Variants in SLC24A3 observed in about 807,000 individuals in gnomAD.
SLC24A3 encodes the protein solute carrier family 24 member 3.
A neutral mutation model predicts 75.8 loss-of-function variants in SLC24A3; 28 were observed. The observed-to-expected ratio is 0.37, with a 90% CI of 0.27 to 0.51. The LOEUF (loss-of-function observed/expected upper bound fraction) is 0.51, where lower values mean the gene tolerates loss of function less well. Among genes scored for constraint, SLC24A3 ranks in the 20% least tolerant of loss-of-function variants. The pLI is 0.94. For synonymous variants in SLC24A3, 372 were observed against 334.1 expected, an observed-to-expected ratio of 1.11 and a Z score of -1.24; for missense variants, 663 against 847.8, an observed-to-expected ratio of 0.78 and a Z score of 2.71.
chr20:19,647,533 C>T (rs1041756569), intron 6 of SLC24A3, among the ~76,000 whole-genome samples: 2 of 152,212 alleles, frequency 1.3e-5, no homozygotes, highest in African/African-American at 4.8e-5. Context: ...AGGGGCACTG[C>T]AGGGAACAGC....
At chr20:19,591,690 C>T (rs1321343033) in intron 6 of SLC24A3, among the ~76,000 whole-genome samples, 1 of 152,152 alleles carries the variant, frequency 6.6e-6, no homozygotes, top group Non-Finnish European at 1.5e-5. Context: ...ATCATTGTGG[C>T]AAAGGAACTA....
At chr20:19,213,071 G>T in intron 1 of SLC24A3, 87 bp downstream of exon 1, 1 of 1,131,154 alleles carries the variant, frequency 8.8e-7, no homozygotes, top group Non-Finnish European at 1.1e-6. Context: ...CCTTCGGGCG[G>T]CCCGGCCGGA....
At chr20:19,527,669 G>A (rs1383189723) in intron 3 of SLC24A3, among the ~76,000 whole-genome samples, 1 of 152,178 alleles carries the variant, frequency 6.6e-6, no homozygotes, top group African/African-American at 2.4e-5. Context: ...GCATTGCAAA[G>A]ATCCAGGGAC....
At chr20:19,665,442 C>G (rs1263262163) in intron 7 of SLC24A3, among the ~76,000 whole-genome samples, 1 of 152,184 alleles carries the variant, frequency 6.6e-6, no homozygotes, top group Non-Finnish European at 1.5e-5. Context: ...TGAAGATGCA[C>G]AGACATGCAG....
intron 2 of SLC24A3, among the ~76,000 whole-genome samples, chr20:19,302,339 G>A (rs1984215435): frequency 6.6e-6 from 1 of 152,152 alleles, no homozygotes; most frequent in Admixed American, 6.5e-5. Context: ...GTGAATTAAT[G>A]AACAATTGAT....
At chr20:19,491,983 C>T (rs201256467) in intron 2 of SLC24A3, among the ~76,000 whole-genome samples, 1 of 151,774 alleles carries the variant, frequency 6.6e-6, no homozygotes, top group Non-Finnish European at 1.5e-5. Context: ...AAGGGCCCCC[C>T]CTTCACCCCT....
At chr20:19,677,818 A>G (rs941148611) in intron 9 of SLC24A3, among the ~76,000 whole-genome samples, 1 of 151,716 alleles carries the variant, frequency 6.6e-6, no homozygotes, top group Non-Finnish European at 1.5e-5. Context: ...CAAGTGAACA[A>G]AGGTCTCTGG....
chr20:19,626,058 A>G (rs934029109), intron 6 of SLC24A3, among the ~76,000 whole-genome samples: 3 of 152,074 alleles, frequency 2.0e-5, no homozygotes, highest in African/African-American at 4.8e-5. Flanking sequence ...CCTGTTTGTG[A>G]ATTGGTTTTA....
At chr20:19,383,429 C>T (rs1986218799) in intron 2 of SLC24A3, among the ~76,000 whole-genome samples, 1 of 151,948 alleles carries the variant, frequency 6.6e-6, no homozygotes, top group Non-Finnish European at 1.5e-5. Flanking sequence ...GACCATTTAT[C>T]CTGTGAAATG....
At chr20:19,434,545 T>G (rs1249848206) in intron 2 of SLC24A3, among the ~76,000 whole-genome samples, 1 of 152,172 alleles carries the variant, frequency 6.6e-6, no homozygotes, top group African/African-American at 2.4e-5. Flanking sequence ...CAAATGATTT[T>G]TTTTTCTTTT....
intron 6 of SLC24A3, among the ~76,000 whole-genome samples, chr20:19,647,613 G>A (rs1260682374): frequency 6.6e-6 from 1 of 152,150 alleles, no homozygotes; most frequent in African/African-American, 2.4e-5. Flanking sequence ...TGATGTGTGG[G>A]GGAACACTCT....
At chr20:19,321,325 G>A (rs1984701645) in intron 2 of SLC24A3, among the ~76,000 whole-genome samples, 2 of 152,162 alleles carry the variant, frequency 1.3e-5, no homozygotes, top group African/African-American at 4.8e-5. Context: ...TTAAGCACTT[G>A]AGTGATGGAG....
At chr20:19,309,502 C>T (rs1984406086) in intron 2 of SLC24A3, among the ~76,000 whole-genome samples, 1 of 152,172 alleles carries the variant, frequency 6.6e-6, no homozygotes, top group African/African-American at 2.4e-5. Context: ...TCCACCCAAA[C>T]CTACCAGACC....
chr20:19,327,072 AC>A (rs1172234063), intron 2 of SLC24A3, among the ~76,000 whole-genome samples: 24 of 152,324 alleles, frequency 1.6e-4, no homozygotes, highest in Admixed American at 3.3e-4. Context: ...ATTTAAAAAA[AC>A]GTACTAATAT....
intron 8 of SLC24A3, 78 bp downstream of exon 8, chr20:19,665,967 T>A: frequency 1.3e-6 from 2 of 1,497,676 alleles, no homozygotes; most frequent in East Asian, 4.5e-5. Context: ...AGTGTTGGGA[T>A]TCAAGAAAGA....
intron 3 of SLC24A3, among the ~76,000 whole-genome samples, chr20:19,519,679 G>A (rs2030065660): frequency 6.6e-6 from 1 of 152,206 alleles, no homozygotes; most frequent in African/African-American, 2.4e-5. Context: ...TCCTGTCTGT[G>A]AGGAAATTTG....
chr20:19,614,433 C>T (rs1016496804), intron 6 of SLC24A3, among the ~76,000 whole-genome samples: 1 of 152,198 alleles, frequency 6.6e-6, no homozygotes, highest in African/African-American at 2.4e-5. Flanking sequence ...GGGCTGGGCC[C>T]CAGCCCATCC....
chr20:19,623,518 T>G (rs1346298314), intron 6 of SLC24A3, among the ~76,000 whole-genome samples: 1 of 152,202 alleles, frequency 6.6e-6, no homozygotes, highest in East Asian at 1.9e-4. Context: ...CAATGCCATC[T>G]AGAATTCTGC....
In SLC24A3 at chr20:19,240,823, G is replaced by A. The variant is rs1193409601; in HGVS notation, c.142+27839G>A. ...TGTAGACCCAGTCAGCCACTCACTA[G>A]CCCCTGGCTGCCCCTCGCATGGGGC... On this transcript the variant is annotated intron_variant, in intron 1 of 16. Coordinates refer to ENST00000328041, the MANE Select transcript of SLC24A3 (RefSeq NM_020689.4). Among the ~76,000 whole-genome samples the A allele has an allele frequency of 3.3e-5, 5 of 152,306 alleles. No individual in the cohort carries two copies. In the East Asian group the frequency reaches 9.7e-4, roughly 29 times the overall value.
Sources: gnomAD v4.1 joint callset for allele counts (sites outside exome capture counted in the v4.1 genomes callset) on GRCh38, gnomAD v4.1.1 for gene constraint, MANE v1.5 for transcripts, NCBI Gene and HGNC (gene_info 2026-07-23, HGNC 2026-07-21) for gene names.